The following CSGALNACT1 variants were observed in gnomAD, a reference collection of about 807,000 sequenced individuals.
CSGALNACT1 encodes the protein beta4GalNAcT-1.
In CSGALNACT1, 52 loss-of-function variants were observed where a neutral mutation model predicts 51.0. The observed-to-expected ratio is 1.02, with a 90% CI of 0.82 to 1.29. The LOEUF (loss-of-function observed/expected upper bound fraction) is 1.29. Ranked by LOEUF, CSGALNACT1 falls within the 50% of genes most tolerant of loss-of-function variation. The probability of loss-of-function intolerance (pLI) is 0.00; values close to 1 mark genes in which losing one functional copy is unlikely to be tolerated. For missense variants in CSGALNACT1, 935 were observed against 679.2 expected (o/e 1.38, Z -4.19); for synonymous variants, 341 against 254.4 (o/e 1.34, Z -3.24).
intron 4 of CSGALNACT1, among the ~76,000 whole-genome samples, chr8:19,481,812 C>T (rs1397391183): frequency 6.6e-6 from 1 of 152,186 alleles, no homozygotes; most frequent in African/African-American, 2.4e-5. Context: ...AGCCAACAAA[C>T]ATGTATCAAA....
intron 5 of CSGALNACT1, among the ~76,000 whole-genome samples, chr8:19,443,174 A>T (rs1046898283): frequency 6.6e-6 from 1 of 152,334 alleles, no homozygotes; most frequent in South Asian, 2.1e-4. Flanking sequence ...CTCAAGAGAA[A>T]GCAGTGGCTA....
chr8:19,641,729 A>G (rs1353295194), intron 1 of CSGALNACT1: 3 of 152,196 alleles, frequency 2.0e-5, no homozygotes, highest in Non-Finnish European at 4.4e-5. Context: ...ACACCTTCCT[A>G]GATAATGTAC....
chr8:19,490,316 G>A (rs1205405102), intron 4 of CSGALNACT1, among the ~76,000 whole-genome samples: 1 of 152,186 alleles, frequency 6.6e-6, no homozygotes, highest in Non-Finnish European at 1.5e-5. Flanking sequence ...TTTTGGGAAA[G>A]AGAGGAAAAG....
At chr8:19,478,703 G>A (rs999817753) in intron 4 of CSGALNACT1, among the ~76,000 whole-genome samples, 1 of 151,672 alleles carries the variant, frequency 6.6e-6, no homozygotes, top group African/African-American at 2.4e-5. Context: ...TAAAAATAAT[G>A]ACCCCCCCTT....
intron 3 of CSGALNACT1, among the ~76,000 whole-genome samples, chr8:19,589,136 T>C (rs1320130071): frequency 6.6e-6 from 1 of 152,064 alleles, no homozygotes; most frequent in Non-Finnish European, 1.5e-5. Flanking sequence ...TTGTCTAGGG[T>C]GTTATGATCC....
chr8:19,634,079 A>G (rs1384520008), intron 1 of CSGALNACT1, among the ~76,000 whole-genome samples: 3 of 152,232 alleles, frequency 2.0e-5, no homozygotes, highest in Non-Finnish European at 4.4e-5. Context: ...TTAATTTTTC[A>G]TAAACACAAA....
chr8:19,410,677 G>A (rs966208444), intron 8 of CSGALNACT1, among the ~76,000 whole-genome samples: 8 of 152,232 alleles, frequency 5.3e-5, no homozygotes, highest in Non-Finnish European at 1.0e-4. Flanking sequence ...CCCTCACATG[G>A]GAACAGCGTG....
Position 19,666,809 on chromosome 8 carries a change from A to AAGAAAGAAAGAGAG in CSGALNACT1, c.-544+15663_-544+15664insCTCTCTTTCTTTCT, listed in dbSNP as rs1564383214. ...AAAGAAAGAAAGAAAGAAAGAAAGA[A>AAGAAAGAAAGAGAG]AGAGAGAGAGAGAGAGAGAGAGAGA... On this transcript the variant is annotated intron_variant, in intron 1 of 9. Transcript: ENST00000332246. 6.0e-4 allele frequency among the ~76,000 whole-genome samples: 15 copies of AAGAAAGAAAGAGAG among 25,102 alleles called. 1 individual carries two copies. The highest frequency in any genetic ancestry group is 3.8e-3 in the East Asian group (4 of 1,056). 16.5% of individuals were successfully genotyped at this position (25,102 alleles called of 152,430 possible).
intron 2 of CSGALNACT1, among the ~76,000 whole-genome samples, chr8:19,594,847 C>T (rs919678007): frequency 3.3e-5 from 5 of 152,088 alleles, no homozygotes; most frequent in African/African-American, 9.7e-5. Flanking sequence ...CCACCACACC[C>T]GGACTTTAAT....
In CSGALNACT1 at chr8:19,505,843, C is replaced by A. The variant is rs764739708; in HGVS notation, c.-9G>T. ...CGGCGAACCATCATCATTCAGGAAT[C>A]AGCCATGCGTCCAGAACCGGTGGCA... is the stretch of plus-strand genomic sequence containing the variant. On this transcript the variant is annotated 5_prime_UTR_variant, in exon 4 of 10. An upstream open reading frame in the 5' UTR loses its in-frame stop. Transcript: ENST00000454498. The A allele has an allele frequency of 8.1e-6, 13 of 1,608,318 alleles. No homozygotes were observed. Among genetic ancestry groups the A allele is most frequent in the Non-Finnish European group, 1.0e-5 (12 of 1,179,990 alleles).
chr8:19,411,950 C>T (rs2055853792), intron 8 of CSGALNACT1, among the ~76,000 whole-genome samples: 1 of 151,942 alleles, frequency 6.6e-6, no homozygotes, highest in African/African-American at 2.4e-5. Flanking sequence ...CGTGCCTCAG[C>T]CTCCCGAGTA....
chr8:19,660,900 GGTTT>G (rs1373133507), intron 1 of CSGALNACT1, among the ~76,000 whole-genome samples: 8 of 152,094 alleles, frequency 5.3e-5, no homozygotes, highest in East Asian at 1.9e-4. Flanking sequence ...GGACCGTTCA[GGTTT>G]GTTTGTTTGT....
At position 19,660,545 on chromosome 8, in the gene CSGALNACT1, G is replaced by T. The variant is rs147013297; in HGVS notation, c.-544+21928C>A. 1.1e-3 allele frequency among the ~76,000 whole-genome samples: 170 copies of T among 152,212 alleles called. 3 individuals are homozygous for T. The East Asian group carries it at 0.026, about 23-fold the overall frequency. On this transcript the variant is annotated intron_variant, in intron 1 of 9. Transcript: ENST00000332246. The stretch of plus-strand genomic sequence containing the variant: ...TGCTTTGCCGTAGCCAGGTGATTTG[G>T]GGGTAACTGTAGCCCCAACCAGAAA...
chr8:19,507,528 G>GAAAAA (rs35759799), intron 3 of CSGALNACT1, among the ~76,000 whole-genome samples: 1,090 of 74,784 alleles, frequency 0.015, 63 homozygotes, highest in Non-Finnish European at 0.02. Context: ...ATCTTAGCCA[G>GAAAAA]AAAAAAAAAA....
intron 1 of CSGALNACT1, among the ~76,000 whole-genome samples, chr8:19,755,963 C>T (rs1033746936): frequency 6.6e-6 from 1 of 152,164 alleles, no homozygotes; most frequent in Non-Finnish European, 1.5e-5. Flanking sequence ...TCCGGCAGCC[C>T]AACACCTAGT....
chr8:19,435,373 G>C (rs1279209597), intron 6 of CSGALNACT1, among the ~76,000 whole-genome samples: 1 of 151,842 alleles, frequency 6.6e-6, no homozygotes, highest in Non-Finnish European at 1.5e-5. Context: ...TGCGCCTATA[G>C]TCCTAGCTAC....
chr8:19,413,461 G>C (rs2056277507), intron 8 of CSGALNACT1, among the ~76,000 whole-genome samples: 1 of 152,160 alleles, frequency 6.6e-6, no homozygotes, highest in African/African-American at 2.4e-5. Flanking sequence ...GTGGGCACCG[G>C]ACTGGCTTCT....
chr8:19,646,362 G>C (rs1271144422), intron 1 of CSGALNACT1, among the ~76,000 whole-genome samples: 1 of 152,100 alleles, frequency 6.6e-6, no homozygotes, highest in African/African-American at 2.4e-5. Context: ...AAAGTTAAAG[G>C]GCAATTCTGA....
chr8:19,562,910 A>C (rs10096861), intron 3 of CSGALNACT1, among the ~76,000 whole-genome samples: 25,442 of 152,188 alleles, frequency 0.17, 3,307 homozygotes, highest in African/African-American at 0.37. Flanking sequence ...TCATTTGACC[A>C]AGCAATCCCA....
Sources: gnomAD v4.1 joint callset for allele counts (sites outside exome capture counted in the v4.1 genomes callset) on GRCh38, gnomAD v4.1.1 for gene constraint, MANE v1.5 for transcripts, NCBI Gene and HGNC (gene_info 2026-07-23, HGNC 2026-07-21) for gene names.